The following SUMF1 variants were observed in gnomAD, a reference collection of about 807,000 sequenced individuals.
SUMF1 encodes formylglycine-generating enzyme.
Under a neutral mutation model 47.6 loss-of-function variants are expected in SUMF1, and 48 were observed. The observed-to-expected ratio is 1.01, with a 90% CI of 0.80 to 1.28. The LOEUF is 1.28. Ranked by LOEUF, SUMF1 falls within the 50% of genes most tolerant of loss-of-function variation. SUMF1 has a pLI of 0.00. For missense variants in SUMF1, 571 were observed against 485.4 expected, an observed-to-expected ratio of 1.18 and a Z score of -1.66; for synonymous variants, 230 against 192.1, an observed-to-expected ratio of 1.20 and a Z score of -1.63.
chr3:4,080,007 A>G (rs572653610), intron 8 of SUMF1, among the ~76,000 whole-genome samples: 2 of 151,916 alleles, frequency 1.3e-5, no homozygotes, highest in Non-Finnish European at 1.5e-5. Flanking sequence ...CGGTGTCCTT[A>G]TCTGTATAAT....
At chr3:4,197,908 T>A (rs1034155440) in intron 8 of SUMF1, among the ~76,000 whole-genome samples, 1 of 152,154 alleles carries the variant, frequency 6.6e-6, no homozygotes, top group East Asian at 1.9e-4. Flanking sequence ...AGCATATGGC[T>A]CTGAAAATAT....
chr3:4,276,019 T>TA (rs1333377134), intron 8 of SUMF1, among the ~76,000 whole-genome samples: 2 of 152,120 alleles, frequency 1.3e-5, no homozygotes, highest in East Asian at 3.9e-4. Context: ...AACCTATCCA[T>TA]AAGAAATAAA....
downstream of SUMF1, among the ~76,000 whole-genome samples, chr3:4,360,774 G>C (rs1167851216): frequency 6.6e-6 from 1 of 152,144 alleles, no homozygotes; most frequent in Non-Finnish European, 1.5e-5. Flanking sequence ...ATGGCTTAGG[G>C]GTTCTCAGGA....
chr3:4,298,095 C>G (rs1697890200), intron 8 of SUMF1, among the ~76,000 whole-genome samples: 1 of 151,832 alleles, frequency 6.6e-6, no homozygotes, highest in African/African-American at 2.4e-5. Flanking sequence ...GTGAAAAATC[C>G]AAAAGAAATC....
intron 8 of SUMF1, among the ~76,000 whole-genome samples, chr3:4,252,644 C>A (rs1407635310): frequency 1.3e-5 from 2 of 152,154 alleles, no homozygotes; most frequent in Admixed American, 1.3e-4. Flanking sequence ...AAGTTACAAG[C>A]TCAAGCAGTT....
chr3:4,215,569 A>G (rs577145075), intron 8 of SUMF1, among the ~76,000 whole-genome samples: 1 of 152,328 alleles, frequency 6.6e-6, no homozygotes, highest in African/African-American at 2.4e-5. Context: ...AGAAAGAAAT[A>G]AAGGTATTCA....
chr3:4,234,509 A>G (rs1696367472), intron 8 of SUMF1, among the ~76,000 whole-genome samples: 1 of 152,134 alleles, frequency 6.6e-6, no homozygotes, highest in Non-Finnish European at 1.5e-5. Context: ...TCACGTATCC[A>G]TTCAACTAAC....
intron 8 of SUMF1, among the ~76,000 whole-genome samples, chr3:4,119,033 TTATTTACC>T (rs1194736441): frequency 1.1e-4 from 16 of 152,076 alleles, no homozygotes; most frequent in Admixed American, 1.0e-3. Flanking sequence ...ATTGATTTCA[TTATTTACC>T]TATTTTCCTC....
intron 8 of SUMF1, among the ~76,000 whole-genome samples, chr3:4,339,541 A>G (rs1247062112): frequency 1.3e-5 from 2 of 151,864 alleles, no homozygotes; most frequent in Admixed American, 1.3e-4. Context: ...GGGTCTTTAG[A>G]TTTCTGCATC....
intron 8 of SUMF1, among the ~76,000 whole-genome samples, chr3:4,086,296 C>T (rs1318360602): frequency 6.6e-6 from 1 of 151,946 alleles, no homozygotes; most frequent in Admixed American, 6.6e-5. Flanking sequence ...ATCCCCATCC[C>T]ACATTTATTA....
intron 8 of SUMF1, among the ~76,000 whole-genome samples, chr3:4,351,181 A>T (rs1699493341): frequency 6.6e-6 from 1 of 151,902 alleles, no homozygotes; most frequent in Non-Finnish European, 1.5e-5. Flanking sequence ...AATAAATATA[A>T]AATTACAAAT....
At chr3:4,234,616 T>A (rs999513606) in intron 8 of SUMF1, among the ~76,000 whole-genome samples, 1 of 152,146 alleles carries the variant, frequency 6.6e-6, no homozygotes, top group African/African-American at 2.4e-5. Context: ...GCATGATATA[T>A]GCTCCAAAAG....
chr3:4,415,632 G>A (rs1420742167), intron 6 of SUMF1, among the ~76,000 whole-genome samples: 1 of 152,134 alleles, frequency 6.6e-6, no homozygotes, highest in Non-Finnish European at 1.5e-5. Flanking sequence ...GGCCAACATG[G>A]TAAAACCCTG....
intron 8 of SUMF1, among the ~76,000 whole-genome samples, chr3:4,233,661 A>C (rs1019424262): frequency 6.6e-6 from 1 of 152,162 alleles, no homozygotes; most frequent in African/African-American, 2.4e-5. Context: ...AAAATGTCTG[A>C]GTCATGAAAG....
intron 8 of SUMF1, among the ~76,000 whole-genome samples, chr3:4,208,603 G>A (rs997501704): frequency 6.6e-6 from 1 of 151,852 alleles, no homozygotes; most frequent in Non-Finnish European, 1.5e-5. Flanking sequence ...CAGAAAAGAT[G>A]AGTAACAAGC....
rs138285760 is a variant in SUMF1 at position 4,421,592 on chromosome 3, G to A, written c.520-1446C>T. Among the ~76,000 whole-genome samples, 464 of 152,188 alleles carry A rather than the reference G, an allele frequency of 3.0e-3. 2 individuals are homozygous for A. The highest frequency in any genetic ancestry group is 0.011 in the African/African-American group (436 of 41,502). The stretch of plus-strand genomic sequence containing the variant: ...CCTCCTCAGCTCAAGTGATCCTCCC[G>A]CCTCACCATCCCAAGTACCTGGGAC... On this transcript the variant is annotated intron_variant, in intron 3 of 8. Transcript: ENST00000272902.
At chr3:4,426,789 G>A (rs566417722) in intron 3 of SUMF1, among the ~76,000 whole-genome samples, 28 of 152,284 alleles carry the variant, frequency 1.8e-4, no homozygotes, top group African/African-American at 6.3e-4. Flanking sequence ...CTGCTCAACT[G>A]AGACAATTTC....
At chr3:4,435,085 C>T (rs1418200364) in intron 3 of SUMF1, among the ~76,000 whole-genome samples, 1 of 152,116 alleles carries the variant, frequency 6.6e-6, no homozygotes, top group African/African-American at 2.4e-5. Flanking sequence ...CACCACCACA[C>T]CCGGCTGATT....
chr3:4,338,065 A>C (rs1460000858), intron 8 of SUMF1, among the ~76,000 whole-genome samples: 1 of 152,218 alleles, frequency 6.6e-6, no homozygotes, highest in Admixed American at 6.5e-5. Flanking sequence ...TAGTTCAAAA[A>C]TTAATTTTGA....
Sources: allele counts gnomAD v4.1 joint callset (sites outside exome capture counted in the v4.1 genomes callset), GRCh38; gene constraint gnomAD v4.1.1; transcripts MANE v1.5; gene names NCBI Gene and HGNC (gene_info 2026-07-23, HGNC 2026-07-21).